The following TRABD2A variants were observed in gnomAD, a reference collection of about 807,000 sequenced individuals.
TRABD2A encodes metalloprotease TIKI1.
In TRABD2A, 43 loss-of-function variants were observed where a neutral mutation model predicts 45.6. The observed-to-expected ratio is 0.94, with a 90% CI of 0.74 to 1.22. TRABD2A has a LOEUF of 1.22. TRABD2A is among the 50% of genes most tolerant of loss of function. TRABD2A has a pLI of 0.00. For synonymous variants in TRABD2A, 269 were observed against 265.0 expected (o/e 1.02, Z -0.15); for missense variants, 642 against 652.4 (o/e 0.98, Z 0.17).
At chr2:84,826,182 A>T (rs1213931079) in intron 5 of TRABD2A, among the ~76,000 whole-genome samples, 1 of 152,234 alleles carries the variant, frequency 6.6e-6, no homozygotes, top group African/African-American at 2.4e-5. Flanking sequence ...AGTGAGGAAC[A>T]TGGTCTCTAA....
intron 4 of TRABD2A, chr2:84,836,863 T>G (rs1468987472): frequency 6.6e-6 from 1 of 152,196 alleles, no homozygotes; most frequent in Non-Finnish European, 1.5e-5. Context: ...TTCCTACACT[T>G]TAAATTCCAG....
At chr2:84,879,765 T>C (rs1017365742) in intron 1 of TRABD2A, among the ~76,000 whole-genome samples, 1 of 152,140 alleles carries the variant, frequency 6.6e-6, no homozygotes, top group Non-Finnish European at 1.5e-5. Flanking sequence ...CCTCCTGCCT[T>C]GGTAGAGGGC....
chr2:84,832,450 G>A, intron 4 of TRABD2A: 1 of 358,078 alleles, frequency 2.8e-6, no homozygotes, highest in Non-Finnish European at 5.3e-6. Flanking sequence ...AGACCTCCCA[G>A]AAGAGGTGAT....
intron 5 of TRABD2A, among the ~76,000 whole-genome samples, chr2:84,825,779 A>G (rs1681129433): frequency 1.3e-5 from 2 of 152,000 alleles, no homozygotes; most frequent in Non-Finnish European, 2.9e-5. Context: ...AAGCAACCAT[A>G]TTACCACCTG....
chr2:84,854,485 A>G (rs1682206067), intron 2 of TRABD2A, among the ~76,000 whole-genome samples: 1 of 152,236 alleles, frequency 6.6e-6, no homozygotes, highest in Non-Finnish European at 1.5e-5. Context: ...AAATAAGAAA[A>G]CAGACTCAGA....
At chr2:84,862,223 G>T (rs1323232117) in intron 2 of TRABD2A, among the ~76,000 whole-genome samples, 1 of 152,216 alleles carries the variant, frequency 6.6e-6, no homozygotes, top group Non-Finnish European at 1.5e-5. Flanking sequence ...TCCCCCAAGT[G>T]GGGTAGACTC....
chr2:84,878,528 CA>C (rs34899036), intron 1 of TRABD2A, among the ~76,000 whole-genome samples: 6,613 of 121,352 alleles, frequency 0.054, 152 homozygotes, highest in South Asian at 0.11. Context: ...GACTCTGTCT[CA>C]AAAAAAAAAA....
intron 2 of TRABD2A, among the ~76,000 whole-genome samples, chr2:84,845,567 G>C (rs1054687868): frequency 7.0e-6 from 1 of 143,816 alleles, no homozygotes; most frequent in African/African-American, 2.9e-5. Context: ...GGGGAGACAA[G>C]GGCGGGGGAA....
At chr2:84,868,784 A>G (rs1682777291) in intron 2 of TRABD2A, among the ~76,000 whole-genome samples, 1 of 152,248 alleles carries the variant, frequency 6.6e-6, no homozygotes, top group Admixed American at 6.5e-5. Flanking sequence ...AGTATGAAAG[A>G]AGGCTTTGGC....
intron 2 of TRABD2A, among the ~76,000 whole-genome samples, chr2:84,863,509 G>T (rs931784619): frequency 1.3e-5 from 2 of 151,476 alleles, no homozygotes; most frequent in Non-Finnish European, 2.9e-5. Context: ...TGGGATTACA[G>T]GTGTGAGCCA....
chr2:84,867,896 C>T (rs947564804), intron 2 of TRABD2A, among the ~76,000 whole-genome samples: 1 of 152,212 alleles, frequency 6.6e-6, no homozygotes, highest in African/African-American at 2.4e-5. Context: ...TATCATCTCA[C>T]ACCAGTTAGA....
chr2:84,867,455 A>C (rs1021031425), intron 2 of TRABD2A, among the ~76,000 whole-genome samples: 1 of 152,208 alleles, frequency 6.6e-6, no homozygotes, highest in African/African-American at 2.4e-5. Context: ...TAAAGACTTA[A>C]ATGTTAGACC....
chr2:84,834,296 C>G (rs922051085), intron 4 of TRABD2A: 2 of 152,192 alleles, frequency 1.3e-5, no homozygotes, highest in Admixed American at 6.5e-5. Context: ...ACAGGACTTA[C>G]AGAAGAAGAA....
In TRABD2A at chr2:84,870,781, C is replaced by T. The variant is rs765010091; in HGVS notation, c.113G>A (p.Ser38Asn). The change falls in exon 2 of 7, where the codon AGC (serine) becomes AAC (asparagine). Residue 38 changes from serine (S) to asparagine (N), a missense_variant. Coordinates refer to ENST00000409520, the MANE Select transcript of TRABD2A (RefSeq NM_001277053.2). ...TANCELKPQQ[S>N]ELNSFLWTIK... ...GGTCCACAAGAAGGAATTCAGCTCG[C>T]TTTGCTGAAAAGAAAAGAGGTAACA... The T allele has an allele frequency of 1.0e-5, 16 of 1,572,680 alleles. No homozygotes were observed. Among genetic ancestry groups the T allele is most frequent in the Admixed American group, 1.9e-5 (1 of 53,624 alleles).
In TRABD2A at chr2:84,870,714, A is replaced by G. The variant is rs369238493; in HGVS notation, c.180T>C (p.His60=). Residue 60 remains histidine (H), a synonymous_variant, in exon 2 of 7, where the codon CAT becomes CAC. Coordinates refer to ENST00000409520, the MANE Select transcript of TRABD2A (RefSeq NM_001277053.2). The part of the protein sequence containing the change: ...DPPSYFFGTI[H]VPYTRVWDFI... The stretch of plus-strand genomic sequence containing the variant: ...AGTCCCAAACTCGGGTGTACGGGAC[A>G]TGGATTGTGCCAAAGAAGTAAGATG... The G allele has an allele frequency of 2.5e-6, 4 of 1,603,632 alleles. No individual in the cohort carries two copies. In the African/African-American group the frequency reaches 4.0e-5, roughly 16 times the overall value.
chr2:84,827,558 C>T (rs1298798794), intron 5 of TRABD2A, among the ~76,000 whole-genome samples: 1 of 152,186 alleles, frequency 6.6e-6, no homozygotes, highest in African/African-American at 2.4e-5. Context: ...TTAGAGCACC[C>T]CGCTGTGTAA....
At chr2:84,849,994 T>G (rs1247070276) in intron 2 of TRABD2A, among the ~76,000 whole-genome samples, 1 of 152,224 alleles carries the variant, frequency 6.6e-6, no homozygotes, top group Non-Finnish European at 1.5e-5. Context: ...TAAAACATTA[T>G]TTCAAAAGAA....
intron 2 of TRABD2A, among the ~76,000 whole-genome samples, chr2:84,848,954 T>C (rs1432058061): frequency 1.3e-5 from 2 of 152,122 alleles, no homozygotes; most frequent in Non-Finnish European, 2.9e-5. Context: ...CTTCACTGTT[T>C]CTGAAGGAAA....
chr2:84,872,888 G>A (rs534801149), intron 1 of TRABD2A, among the ~76,000 whole-genome samples: 1 of 152,266 alleles, frequency 6.6e-6, no homozygotes, highest in East Asian at 1.9e-4. Flanking sequence ...GCCGAGGCGG[G>A]GGGATTGCCT....
Sources: allele counts gnomAD v4.1 joint callset (sites outside exome capture counted in the v4.1 genomes callset), GRCh38; gene constraint gnomAD v4.1.1; transcripts MANE v1.5; gene names NCBI Gene and HGNC (gene_info 2026-07-23, HGNC 2026-07-21).